The following ATXN7L1 variants were observed in gnomAD, a reference collection of about 807,000 sequenced individuals.
The protein encoded by ATXN7L1 is ataxin-7-like protein 1.
ATXN7L1 carries 15 observed loss-of-function variants against 70.8 expected under a neutral mutation model. That is an observed-to-expected ratio of 0.21 (90% CI 0.14 to 0.33). The LOEUF (loss-of-function observed/expected upper bound fraction) is 0.33. Among genes scored for constraint, ATXN7L1 ranks in the 10% least tolerant of loss-of-function variants. The pLI is 1.00. For synonymous variants in ATXN7L1, 440 were observed against 445.1 expected (o/e 0.99, Z 0.14); for missense variants, 975 against 1,097.1 (o/e 0.89, Z 1.57).
At chr7:105,765,583 C>T (rs778523875) in intron 3 of ATXN7L1, among the ~76,000 whole-genome samples, 1 of 152,178 alleles carries the variant, frequency 6.6e-6, no homozygotes, top group Non-Finnish European at 1.5e-5. Context: ...CATCTTGCTG[C>T]TCATTAAACT....
intron 7 of ATXN7L1, among the ~76,000 whole-genome samples, chr7:105,637,720 A>G (rs1797595669): frequency 6.6e-6 from 1 of 152,110 alleles, no homozygotes; most frequent in Non-Finnish European, 1.5e-5. Flanking sequence ...CTATTTTTTC[A>G]TTTCTGTCCA....
Position 105,614,099 on chromosome 7 carries a change from G to A in ATXN7L1, c.2235C>T (p.Leu745=), listed in dbSNP as rs1043576486. The change falls in exon 10 of 12, where the codon CTC becomes CTT. Residue 745 remains leucine, a synonymous_variant. Coordinates refer to ENST00000419735, the MANE Select transcript of ATXN7L1 (RefSeq NM_020725.2). The surrounding 1 kb of genome is among the most constrained non-coding windows in gnomAD (Gnocchi z 4.3). ...CGTGGAGCGCAAGGGAGGGCACAGA[G>A]AGGGGACAGGAGTCACTGCTGCCTC... ...AVGGSSDSCP[L]SVPSLALHAG... is the part of the protein sequence containing the mutation. The A allele has an allele frequency of 1.9e-6, 3 of 1,551,702 alleles. No homozygotes were observed. The highest frequency in any genetic ancestry group is 1.7e-6 in the Non-Finnish European group (2 of 1,146,994).
intron 3 of ATXN7L1, among the ~76,000 whole-genome samples, chr7:105,733,849 TC>T (rs1797038493): frequency 8.5e-6 from 1 of 117,242 alleles, no homozygotes; most frequent in Non-Finnish European, 1.8e-5. Context: ...CACCCATCCA[TC>T]CATCCATCCA....
intron 3 of ATXN7L1, among the ~76,000 whole-genome samples, chr7:105,757,828 A>T (rs887990954): frequency 6.6e-6 from 1 of 151,446 alleles, no homozygotes; most frequent in Admixed American, 6.6e-5. Flanking sequence ...GGGATCAAAC[A>T]ATCCTCCTGC....
chr7:105,786,204 T>G (rs1237118542), intron 3 of ATXN7L1, among the ~76,000 whole-genome samples: 2 of 152,248 alleles, frequency 1.3e-5, no homozygotes, highest in Non-Finnish European at 2.9e-5. Context: ...TAACGGAGAC[T>G]GGGCTTTGAG....
Position 105,723,586 on chromosome 7 carries a change from CA to C in ATXN7L1, c.356-58299del, listed in dbSNP as rs1795453079. Among the ~76,000 whole-genome samples, 10 of 152,248 alleles carry C rather than the reference CA, an allele frequency of 6.6e-5. No individual in the cohort carries two copies. The South Asian group carries it at 2.1e-3, about 32-fold the overall frequency. ...ACACTAGCCAAAGGGAGAGAGGCCA[CA>C]AAGAATTTAAGATGAGGCTGCCCAC... On this transcript the variant is annotated intron_variant, in intron 3 of 11. Coordinates refer to ENST00000419735, the MANE Select transcript of ATXN7L1 (RefSeq NM_020725.2).
chr7:105,674,964 C>T (rs754701772), intron 3 of ATXN7L1, among the ~76,000 whole-genome samples: 7 of 152,138 alleles, frequency 4.6e-5, no homozygotes, highest in Non-Finnish European at 8.8e-5. Context: ...AGCACATGTA[C>T]ACCTTGCCAG....
intron 3 of ATXN7L1, among the ~76,000 whole-genome samples, chr7:105,787,106 T>C (rs962296134): frequency 7.2e-5 from 11 of 152,036 alleles, no homozygotes; most frequent in Non-Finnish European, 1.2e-4. Context: ...CCTTTCTCTC[T>C]TCCAGGCAGT....
intron 8 of ATXN7L1, 32 bp downstream of exon 8, chr7:105,624,043 G>A: frequency 7.3e-7 from 1 of 1,373,364 alleles, no homozygotes; most frequent in South Asian, 1.8e-5. Flanking sequence ...CACAGGCGAA[G>A]AACGCATGGC....
chr7:105,796,060 G>A (rs1805945089), intron 2 of ATXN7L1, among the ~76,000 whole-genome samples: 1 of 152,188 alleles, frequency 6.6e-6, no homozygotes, highest in South Asian at 2.1e-4. Context: ...GTAGATGTGA[G>A]CTCTACCTAA....
chr7:105,610,298 G>A (rs1225027348), intron 11 of ATXN7L1, among the ~76,000 whole-genome samples: 2 of 152,224 alleles, frequency 1.3e-5, no homozygotes, highest in Non-Finnish European at 2.9e-5. Flanking sequence ...ATAAAAGGTA[G>A]GGGCCAGTAT....
chr7:105,744,426 T>TTTTTTTAGGGGAATATTC (rs1317411301), intron 3 of ATXN7L1, among the ~76,000 whole-genome samples: 1 of 15,812 alleles, frequency 6.3e-5, no homozygotes, highest in East Asian at 0.5. Flanking sequence ...GGGAATATTC[T>TTTTTTTAGGGGAATATTC]TTTTTTTAGG....
intron 2 of ATXN7L1, among the ~76,000 whole-genome samples, chr7:105,790,674 A>ACTAT (rs3036755): frequency 0.26 from 29,492 of 112,920 alleles, 3,957 homozygotes; most frequent in African/African-American, 0.29. Flanking sequence ...CTATCTATCT[A>ACTAT]CTATCTATCT....
chr7:105,617,317 C>T (rs1794065826), intron 9 of ATXN7L1, among the ~76,000 whole-genome samples: 1 of 152,068 alleles, frequency 6.6e-6, no homozygotes, highest in Non-Finnish European at 1.5e-5. Context: ...AGCCACTGCA[C>T]CCGGCCTGAA....
intron 3 of ATXN7L1, among the ~76,000 whole-genome samples, chr7:105,781,271 AT>A (rs1803488588): frequency 6.6e-6 from 1 of 152,198 alleles, no homozygotes; most frequent in Non-Finnish European, 1.5e-5. Context: ...TACTTCTTTC[AT>A]TTAGGCAAAT....
At chr7:105,779,643 A>G (rs1346830121) in intron 3 of ATXN7L1, among the ~76,000 whole-genome samples, 1 of 152,232 alleles carries the variant, frequency 6.6e-6, no homozygotes, top group Non-Finnish European at 1.5e-5. Context: ...GGAAAAATGA[A>G]ATAAGCAAAA....
intron 2 of ATXN7L1, among the ~76,000 whole-genome samples, chr7:105,798,151 T>C (rs967343673): frequency 1.3e-5 from 2 of 152,228 alleles, no homozygotes; most frequent in African/African-American, 4.8e-5. Flanking sequence ...ATCTAAGGCA[T>C]GATCCAGGTG....
intron 2 of ATXN7L1, among the ~76,000 whole-genome samples, chr7:105,813,168 T>A (rs1441283841): frequency 6.6e-6 from 1 of 152,200 alleles, no homozygotes; most frequent in African/African-American, 2.4e-5. Flanking sequence ...CATGACAGAC[T>A]TTTGCCAAAT....
At chr7:105,643,928 T>G (rs1562944058) in intron 4 of ATXN7L1, among the ~76,000 whole-genome samples, 1 of 152,222 alleles carries the variant, frequency 6.6e-6, no homozygotes, top group Non-Finnish European at 1.5e-5. Flanking sequence ...CTGAAGGACC[T>G]GCGTCTGGGG....
Sources: gnomAD v4.1 joint callset for allele counts (sites outside exome capture counted in the v4.1 genomes callset) on GRCh38, gnomAD v4.1.1 for gene constraint, Gnocchi (gnomAD v3.1) non-coding constraint, MANE v1.5 for transcripts, NCBI Gene and HGNC (gene_info 2026-07-23, HGNC 2026-07-21) for gene names.